Variants in AVPR1A observed in about 807,000 individuals in gnomAD.
The protein encoded by AVPR1A is vasopressin V1a receptor.
Under a neutral mutation model 31.5 loss-of-function variants are expected in AVPR1A, and 31 were observed. The observed-to-expected ratio is 0.99, with a 90% confidence interval of 0.74 to 1.33. The LOEUF (loss-of-function observed/expected upper bound fraction) is 1.33. Ranked by LOEUF, AVPR1A falls within the 40% of genes most tolerant of loss-of-function variation. The pLI is 0.00. For synonymous variants in AVPR1A, 243 were observed against 233.2 expected (o/e 1.04, Z -0.38); for missense variants, 570 against 575.2 (o/e 0.99, Z 0.09).
chr12:63,147,043 T>A lies in AVPR1A; in HGVS notation c.*316A>T. 2 of 255,046 alleles carry A rather than the reference T, an allele frequency of 7.8e-6. 1 individual carries two copies. Among genetic ancestry groups the A allele is most frequent in the South Asian group, 1.9e-4 (2 of 10,336 alleles). 15.8% of individuals were successfully genotyped at this position (255,046 alleles called of 1,614,324 possible). On this transcript the variant is annotated 3_prime_UTR_variant, in exon 2 of 2. Coordinates refer to ENST00000299178, the MANE Select transcript of AVPR1A (RefSeq NM_000706.5). ...AATCAAGTCTTACTTATGTTAGAAA[T>A]GAAAATAAAAGAAACTAACAACAAA...
rs777640447 is a variant in AVPR1A at position 63,150,531 on chromosome 12, G to A, written c.306C>T (p.Phe102=). The A allele has an allele frequency of 9.9e-6, 16 of 1,613,150 alleles. No homozygotes were observed. The highest frequency in any genetic ancestry group is 1.3e-5 in the Non-Finnish European group (15 of 1,179,818). ...AGCACATTTGCGGCAGCACCTGGAA[G>A]AATGCCACGGCCAGGTCGGCCAGGC... ...HLSLADLAVA[F]FQVLPQMCWD... Residue 102 remains phenylalanine, a synonymous_variant, in exon 1 of 2, where the codon TTC becomes TTT. Coordinates refer to ENST00000299178, the MANE Select transcript of AVPR1A (RefSeq NM_000706.5). The surrounding 1 kb of genome is among the most constrained non-coding windows in gnomAD (Gnocchi z 4.9).
rs1868341980 is a variant in AVPR1A, at chr12:63,144,348, C to T, written c.*3011G>A. On this transcript the variant is annotated 3_prime_UTR_variant, in exon 2 of 2. Coordinates refer to ENST00000299178, the MANE Select transcript of AVPR1A (RefSeq NM_000706.5). ...AATGCACTCTAAATTGTTTATTTAC[C>T]ATCATCAGTTAATATTCATCAAATG... 1 of 152,136 alleles carries T rather than the reference C, an allele frequency of 6.6e-6. No homozygotes were observed. The highest frequency in any genetic ancestry group is 2.4e-5 in the African/African-American group (1 of 41,412). 9.4% of individuals were successfully genotyped at this position (152,136 alleles called of 1,614,324 possible). A position where few individuals can be genotyped will look rare whatever the true frequency, so the allele number is the denominator to read the frequency against.
rs1272102060 is a variant in AVPR1A at position 63,143,304 on chromosome 12, G to A, written c.*4055C>T. The A allele has an allele frequency of 2.6e-5, 4 of 151,628 alleles. No homozygotes were observed. The highest frequency in any genetic ancestry group is 6.6e-5 in the Admixed American group (1 of 15,202). The allele number at this position is 151,628 out of a possible 1,614,324, so 9.4% of individuals were successfully genotyped here. A position where few individuals can be genotyped will look rare whatever the true frequency, so the allele number is the denominator to read the frequency against. ...AACATAAATCAATGTAAAAATGTGG[G>A]TATATACATACAAAAATACATAAAA... On this transcript the variant is annotated 3_prime_UTR_variant, in exon 2 of 2. Coordinates refer to ENST00000299178, the MANE Select transcript of AVPR1A (RefSeq NM_000706.5).
Position 63,149,918 on chromosome 12 carries a change from A to G in AVPR1A, c.919T>C (p.Phe307Leu). ...ACAGACCACATCTGGATGATGAAGA[A>G]AGGCGCCCAGCAGACGATGTAAGCC... The part of the protein sequence containing the change: ...VTAYIVCWAP[F>L]FIIQMWSVWD... Residue 307 changes from phenylalanine to leucine, a missense_variant, in exon 1 of 2, where the codon TTC (phenylalanine) becomes CTC (leucine). Phe to Leu is a conservative substitution (Grantham distance 22). Transcript: ENST00000299178. 9 of 1,613,878 alleles carry G rather than the reference A, an allele frequency of 5.6e-6. No homozygotes were observed. Among genetic ancestry groups the G allele is most frequent in the Non-Finnish European group, 7.6e-6 (9 of 1,179,966 alleles).
chr12:63,150,382 G>A lies in AVPR1A; in HGVS notation c.455C>T (p.Ala152Val). ...CAGAGTCTTGAGCGGGTGGCACACC[G>A]CGATGTAGCGGTCGGCTGTCATGAC... ...LVVMTADRYIAVCHPLKTLQQ... is the reference protein window; with the variant it reads ...LVVMTADRYIVVCHPLKTLQQ... The change falls in exon 1 of 2, where the codon GCG becomes GTG. Residue 152 changes from alanine (A) to valine (V), a missense_variant. Coordinates refer to ENST00000299178, the MANE Select transcript of AVPR1A (RefSeq NM_000706.5). The surrounding 1 kb of genome is among the most constrained non-coding windows in gnomAD (Gnocchi z 4.9). The A allele has an allele frequency of 6.2e-7, 1 of 1,613,890 alleles. No homozygotes were observed. The highest frequency in any genetic ancestry group is 8.5e-7 in the Non-Finnish European group (1 of 1,179,980).
chr12:63,151,003 C>A lies in AVPR1A; in HGVS notation c.-167G>T. The A allele has an allele frequency of 9.7e-7, 1 of 1,035,986 alleles. No homozygotes were observed. The highest frequency in any genetic ancestry group is 1.4e-6 in the Non-Finnish European group (1 of 738,410). 64.2% of individuals were successfully genotyped at this position (1,035,986 alleles called of 1,614,324 possible). Reference sequence around the variant, plus strand: ...CTCCAGTGGGCGTCTCCCGGAGCAGCGTCCCGCCTGCCCACTGAGCAGCTC... The same window carrying A: ...CTCCAGTGGGCGTCTCCCGGAGCAGAGTCCCGCCTGCCCACTGAGCAGCTC... On this transcript the variant is annotated 5_prime_UTR_variant, in exon 1 of 2. Coordinates refer to ENST00000299178, the MANE Select transcript of AVPR1A (RefSeq NM_000706.5).
chr12:63,147,716 T>A, intron 1 of AVPR1A, 71 bp from the exon 2 acceptor site: 1 of 1,478,780 alleles, frequency 6.8e-7, no homozygotes. Context: ...TTCTATTAAC[T>A]AATTAAGAAG....
chr12:63,147,712 T>A (rs1412080992), intron 1 of AVPR1A, 67 bp from the exon 2 acceptor site: 8 of 1,494,026 alleles, frequency 5.4e-6, no homozygotes, highest in Non-Finnish European at 6.4e-6. Context: ...ATTTTTCTAT[T>A]AACTAATTAA....
Position 63,150,787 on chromosome 12 carries a change from G to C in AVPR1A, c.50C>G (p.Pro17Arg). The C allele has an allele frequency of 6.3e-7, 1 of 1,596,142 alleles. No homozygotes were observed. The highest frequency in any genetic ancestry group is 8.5e-7 in the Non-Finnish European group (1 of 1,178,172). ...PDAGPSGNSS[P>R]WWPLATGAGN... is the part of the protein sequence containing the mutation. ...AGCGCCGGTGGCCAGAGGCCACCATGGGCTGGAGTTGCCCGAGGGCCCCGC... is the reference window on the plus strand; with the variant it reads ...AGCGCCGGTGGCCAGAGGCCACCATCGGCTGGAGTTGCCCGAGGGCCCCGC... Residue 17 changes from proline (P) to arginine (R), a missense_variant, in exon 1 of 2, where the codon CCA becomes CGA. By Grantham distance (103) the Pro-to-Arg change is moderately radical. Transcript: ENST00000299178. This position sits in a 1 kb window ranked among gnomAD's most constrained non-coding sequence, Gnocchi z 4.9.
In AVPR1A at chr12:63,151,071, C is replaced by A. The variant is rs1868477611; in HGVS notation, c.-235G>T. ...CCCCTCTCCCTGCTCTGCCTTTTTT[C>A]AACTTCGGCGAGGTCGGGAAGGTGA... On this transcript the variant is annotated 5_prime_UTR_variant, in exon 1 of 2. Transcript: ENST00000299178. The A allele has an allele frequency of 3.7e-6, 2 of 547,474 alleles. No homozygotes were observed. Among genetic ancestry groups the A allele is most frequent in the East Asian group, 6.4e-5 (2 of 31,132 alleles). The allele number at this position is 547,474 out of a possible 1,614,324, so 33.9% of individuals were successfully genotyped here. A position where few individuals can be genotyped will look rare whatever the true frequency, so the allele number is the denominator to read the frequency against.
rs377304458 is a variant in AVPR1A, at chr12:63,149,868, G to T, written c.969C>A (p.Thr323=). ...TTCCTCTATTTTCCCGGCACGTACCGGTCCAGACGGACATGGGATCCCAGA... is the reference window on the plus strand; with the variant it reads ...TTCCTCTATTTTCCCGGCACGTACCTGTCCAGACGGACATGGGATCCCAGA... ...WSVWDPMSVW[T]ESENPTITIT... Residue 323 remains threonine (T), a splice_region_variant and synonymous_variant, in exon 1 of 2, where the codon ACC becomes ACA. Coordinates refer to ENST00000299178, the MANE Select transcript of AVPR1A (RefSeq NM_000706.5). The T allele has an allele frequency of 3.7e-6, 6 of 1,609,126 alleles. No homozygotes were observed. The highest frequency in any genetic ancestry group is 1.4e-5 in the African/African-American group (1 of 73,328).
rs1339161504 is a variant in AVPR1A, at chr12:63,145,077, G to A, written c.*2282C>T. 1.2e-5 allele frequency: 2 copies of A among 169,926 alleles called. No individual in the cohort carries two copies. The highest frequency in any genetic ancestry group is 2.6e-5 in the Non-Finnish European group (2 of 78,398). 10.5% of individuals were successfully genotyped at this position (169,926 alleles called of 1,614,324 possible). ...TTGAACTATCAAAGAGTTGTTAAAAGGACTGACAGTCTTCGAGTGCTGGGT... is the reference window on the plus strand; with the variant it reads ...TTGAACTATCAAAGAGTTGTTAAAAAGACTGACAGTCTTCGAGTGCTGGGT... On this transcript the variant is annotated 3_prime_UTR_variant, in exon 2 of 2. Transcript: ENST00000299178.
chr12:63,147,678 T>C (rs1217671679), intron 1 of AVPR1A, 33 bp from the exon 2 acceptor site: 1 of 1,595,942 alleles, frequency 6.3e-7, no homozygotes, highest in African/African-American at 1.3e-5. Context: ...AATCATGTAA[T>C]GTAAGTGAAC....
At position 63,150,680 on chromosome 12, in the gene AVPR1A, G is replaced by A. The variant is rs1868461683; in HGVS notation, c.157C>T (p.Leu53=). The A allele has an allele frequency of 1.9e-6, 3 of 1,608,336 alleles. No homozygotes were observed. Among genetic ancestry groups the A allele is most frequent in the East Asian group, 4.5e-5 (2 of 44,842 alleles). ...RDVRNEELAK[L]EIAVLAVTFA... The stretch of plus-strand genomic sequence containing the variant: ...GTCACCGCCAGCACGGCGATCTCCA[G>A]TTTGGCCAGCTCCTCGTTGCGCACG... The change falls in exon 1 of 2, where the codon CTG becomes TTG. Residue 53 remains leucine, a synonymous_variant. Transcript: ENST00000299178. This position sits in a 1 kb window ranked among gnomAD's most constrained non-coding sequence, Gnocchi z 4.9.
chr12:63,147,594 C>A lies in AVPR1A; in HGVS notation c.1022G>T (p.Ser341Ile). 6.2e-7 allele frequency: 1 copy of A among 1,614,040 alleles called. No homozygotes were observed. The highest frequency in any genetic ancestry group is 1.1e-5 in the South Asian group (1 of 91,064). The change falls in exon 2 of 2, where the codon AGC becomes ATC. Residue 341 changes from serine to isoleucine, a missense_variant. Coordinates refer to ENST00000299178, the MANE Select transcript of AVPR1A (RefSeq NM_000706.5). ...TITALLGSLN[S>I]CCNPWIYMFF... ...CATGTATATCCAGGGATTACAGCAG[C>A]TATTCAAGGAACCCAGTAATGCAGT...
chr12:63,149,562 G>C (rs1364684063), intron 1 of AVPR1A, among the ~76,000 whole-genome samples: 1 of 151,926 alleles, frequency 6.6e-6, no homozygotes, highest in African/African-American at 2.4e-5. Flanking sequence ...TGGAATTGTG[G>C]TCTTAGGATC....
rs1178993276 is a variant in AVPR1A at position 63,147,176 on chromosome 12, C to T, written c.*183G>A. ...GTACAGCATGTTTCCATTAATATTCCATACAAAATAATGTCTAGTTTTTGG... is the reference window on the plus strand; with the variant it reads ...GTACAGCATGTTTCCATTAATATTCTATACAAAATAATGTCTAGTTTTTGG... On this transcript the variant is annotated 3_prime_UTR_variant, in exon 2 of 2. Coordinates refer to ENST00000299178, the MANE Select transcript of AVPR1A (RefSeq NM_000706.5). 1.5e-6 allele frequency: 1 copy of T among 651,218 alleles called. No individual in the cohort carries two copies. The highest frequency in any genetic ancestry group is 2.8e-5 in the East Asian group (1 of 36,280). 40.3% of individuals were successfully genotyped at this position (651,218 alleles called of 1,614,324 possible).
At chr12:63,149,753 T>G in intron 1 of AVPR1A, 114 bp downstream of exon 1, 1 of 1,447,222 alleles carries the variant, frequency 6.9e-7, no homozygotes, top group African/African-American at 1.5e-5. Context: ...TGAAGAAAAT[T>G]GCTAGATTCT....
At position 63,144,219 on chromosome 12, in the gene AVPR1A, T is replaced by C. The variant is rs1287505526; in HGVS notation, c.*3140A>G. The stretch of plus-strand genomic sequence containing the variant: ...TATATAATTAACCCAAGAATTTCAC[T>C]GATTTCCTTCACAATTGTGTTCCAA... On this transcript the variant is annotated 3_prime_UTR_variant, in exon 2 of 2. Coordinates refer to ENST00000299178, the MANE Select transcript of AVPR1A (RefSeq NM_000706.5). 1 of 152,248 alleles carries C rather than the reference T, an allele frequency of 6.6e-6. No individual in the cohort carries two copies. Among genetic ancestry groups the C allele is most frequent in the Non-Finnish European group, 1.5e-5 (1 of 68,044 alleles). 9.4% of individuals were successfully genotyped at this position (152,248 alleles called of 1,614,324 possible). A position where few individuals can be genotyped will look rare whatever the true frequency, so the allele number is the denominator to read the frequency against.
Sources: gnomAD v4.1 joint callset for allele counts (sites outside exome capture counted in the v4.1 genomes callset) on GRCh38, gnomAD v4.1.1 for gene constraint, Gnocchi (gnomAD v3.1) non-coding constraint, MANE v1.5 for transcripts, NCBI Gene and HGNC (gene_info 2026-07-23, HGNC 2026-07-21) for gene names.